TMEM181: variants seen among roughly 807,000 people sequenced by gnomAD.
TMEM181 encodes the protein G protein-coupled receptor 178.
Under a neutral mutation model 71.9 loss-of-function variants are expected in TMEM181, and 39 were observed. The observed-to-expected ratio is 0.54, with a 90% CI of 0.42 to 0.71. TMEM181 has a LOEUF of 0.71. TMEM181 is among the 30% of genes least tolerant of loss of function. TMEM181 has a pLI of 0.00. For missense variants in TMEM181, 595 were observed against 583.0 expected (o/e 1.02, Z -0.21); for synonymous variants, 245 against 228.8 (o/e 1.07, Z -0.64).
intron 7 of TMEM181, among the ~76,000 whole-genome samples, chr6:158,606,587 C>T (rs531666542): frequency 2.6e-5 from 4 of 152,284 alleles, no homozygotes; most frequent in Admixed American, 6.5e-5. Context: ...TCAGATTATA[C>T]GAAAACAATC....
At chr6:158,544,326 T>C (rs1477904469) in intron 1 of TMEM181, among the ~76,000 whole-genome samples, 1 of 152,012 alleles carries the variant, frequency 6.6e-6, no homozygotes, top group Non-Finnish European at 1.5e-5. Flanking sequence ...CTTGAAAGTC[T>C]AGTGTTCCAG....
chr6:158,589,734 A>G lies in TMEM181; in HGVS notation c.444A>G (p.Ile148Met), dbSNP rs1783997090. The G allele has an allele frequency of 1.2e-6, 2 of 1,614,054 alleles. No homozygotes were observed. Among genetic ancestry groups the G allele is most frequent in the African/African-American group, 1.3e-5 (1 of 74,928 alleles). Reference protein sequence around the residue: ...GYLNYTQYTVIVGFEHLKLPI... With the variant: ...GYLNYTQYTVMVGFEHLKLPI... ...TGAACTACACTCAGTATACAGTGAT[A>G]GTGGGATTTGAACACCTGAAGCTCC... The change falls in exon 6 of 17, where the codon ATA becomes ATG. Residue 148 changes from isoleucine (I) to methionine (M), a missense_variant. Transcript: ENST00000684151.
intron 10 of TMEM181, among the ~76,000 whole-genome samples, chr6:158,618,435 A>T (rs1785748183): frequency 6.6e-6 from 1 of 151,890 alleles, no homozygotes; most frequent in Admixed American, 6.6e-5. Context: ...ATGGGTCTTG[A>T]CTCTTTATCC....
chr6:158,615,064 C>T (rs1362798842), intron 10 of TMEM181, among the ~76,000 whole-genome samples: 1 of 152,242 alleles, frequency 6.6e-6, no homozygotes, highest in Non-Finnish European at 1.5e-5. Context: ...AATTGCCACA[C>T]TGTCTTCCAC....
At chr6:158,539,317 G>C (rs1781252354) in intron 1 of TMEM181, among the ~76,000 whole-genome samples, 1 of 152,200 alleles carries the variant, frequency 6.6e-6, no homozygotes. Context: ...ATCTTGAGTA[G>C]CTCCATTGAA....
chr6:158,632,098 T>C lies in TMEM181; in HGVS notation c.*210T>C. ...TCATGGTGGCTACGAGAAGAGGCAT[T>C]GATAACAAGTTTCAACAGCCAAATC... is the stretch of plus-strand genomic sequence containing the variant. On this transcript the variant is annotated 3_prime_UTR_variant, in exon 17 of 17. Transcript: ENST00000684151. The C allele has an allele frequency of 1.8e-6, 1 of 549,082 alleles. No homozygotes were observed. Among genetic ancestry groups the C allele is most frequent in the Non-Finnish European group, 3.2e-6 (1 of 308,040 alleles). The allele number at this position is 549,082 out of a possible 1,614,324, so 34.0% of individuals were successfully genotyped here.
intron 8 of TMEM181, among the ~76,000 whole-genome samples, chr6:158,608,013 G>A (rs184541565): frequency 3.3e-5 from 5 of 152,364 alleles, no homozygotes; most frequent in Admixed American, 6.5e-5. Context: ...GGCATACGGC[G>A]CTCTGTCGTG....
chr6:158,560,322 A>G (rs1782084146), intron 1 of TMEM181, 90 bp downstream of exon 1: 2 of 984,842 alleles, frequency 2.0e-6, no homozygotes, highest in African/African-American at 1.7e-5. Flanking sequence ...GCCGTGCCGC[A>G]GGGTCCCTGG....
At chr6:158,549,952 CTTTTTTT>C (rs34066198) in intron 1 of TMEM181, among the ~76,000 whole-genome samples, 2 of 110,860 alleles carry the variant, frequency 1.8e-5, no homozygotes, top group African/African-American at 3.6e-5. Flanking sequence ...TTTGTCAGGA[CTTTTTTT>C]TTTTTTTTTT....
chr6:158,602,222 CGAT>C (rs1784710292), intron 6 of TMEM181, among the ~76,000 whole-genome samples: 1 of 152,152 alleles, frequency 6.6e-6, no homozygotes, highest in African/African-American at 2.4e-5. Flanking sequence ...TGAGCTTGAT[CGAT>C]GATGAGTGTG....
chr6:158,564,574 G>C (rs1280158758), intron 1 of TMEM181, among the ~76,000 whole-genome samples: 1 of 152,224 alleles, frequency 6.6e-6, no homozygotes, highest in African/African-American at 2.4e-5. Context: ...AGGAGAAAAA[G>C]CACAGCCATC....
chr6:158,608,490 G>A (rs760809242), intron 9 of TMEM181, 27 bp downstream of exon 9: 9 of 1,614,050 alleles, frequency 5.6e-6, no homozygotes, highest in South Asian at 5.5e-5. Context: ...CTCACTGCCG[G>A]GGGAGGTTCC....
chr6:158,589,840 G>C, intron 6 of TMEM181, 58 bp downstream of exon 6: 1 of 1,225,096 alleles, frequency 8.2e-7, no homozygotes, highest in Non-Finnish European at 1.2e-6. Context: ...CCCATTCTTT[G>C]TTCAATGATT....
intron 6 of TMEM181, among the ~76,000 whole-genome samples, chr6:158,600,042 A>G (rs890019517): frequency 6.6e-6 from 1 of 152,256 alleles, no homozygotes. Context: ...TGCAGGCCAC[A>G]TAGCAGGTTT....
In TMEM181 at chr6:158,620,735, A is replaced by G. The variant is rs1207526248; in HGVS notation, c.897-2815A>G. 6.6e-6 allele frequency among the ~76,000 whole-genome samples: 1 copy of G among 152,224 alleles called. No individual in the cohort carries two copies. Among genetic ancestry groups the G allele is most frequent in the Non-Finnish European group, 1.5e-5 (1 of 68,036 alleles). On this transcript the variant is annotated intron_variant, in intron 10 of 16. Transcript: ENST00000684151. This position sits in a 1 kb window ranked among gnomAD's most constrained non-coding sequence, Gnocchi z 4.5. ...GCATGGCCAGAGACTCTCAGGATCC[A>G]GGAGTTAACTCAGGACAAGCTGCCG...
intron 8 of TMEM181, 101 bp downstream of exon 8, chr6:158,607,444 G>T (rs3734475): frequency 9.5e-7 from 1 of 1,055,414 alleles, no homozygotes; most frequent in Middle Eastern, 2.6e-4. Context: ...TTGAGAGGCT[G>T]GGGCAGGAGG....
intron 6 of TMEM181, among the ~76,000 whole-genome samples, chr6:158,599,864 G>T (rs1784574668): frequency 6.6e-6 from 1 of 152,262 alleles, no homozygotes; most frequent in South Asian, 2.1e-4. Context: ...CAGCTGGGCT[G>T]GCCCAGGAGG....
upstream of TMEM181, chr6:158,559,975 C>T: frequency 1.7e-5 from 15 of 883,148 alleles, no homozygotes; most frequent in Non-Finnish European, 2.0e-5. Context: ...GGCACGGGGC[C>T]ACGAAGGAGG....
chr6:158,608,927 G>A (rs572636705), intron 10 of TMEM181, among the ~76,000 whole-genome samples, 177 bp downstream of exon 10: 6 of 152,200 alleles, frequency 3.9e-5, no homozygotes, highest in East Asian at 3.9e-4. Flanking sequence ...GTGACACCCC[G>A]TCTCTACCAA....
Sources: allele counts gnomAD v4.1 joint callset (sites outside exome capture counted in the v4.1 genomes callset), GRCh38; gene constraint gnomAD v4.1.1; non-coding constraint Gnocchi (gnomAD v3.1); transcripts MANE v1.5; gene names NCBI Gene and HGNC (gene_info 2026-07-23, HGNC 2026-07-21).